Variants in NFKBIZ observed in about 807,000 individuals in gnomAD.
NFKBIZ encodes NFKB inhibitor zeta.
Under a neutral mutation model 76.8 loss-of-function variants are expected in NFKBIZ, and 19 were observed. The observed-to-expected ratio is 0.25, with a 90% confidence interval of 0.17 to 0.36. NFKBIZ has a LOEUF of 0.36. Ranked by LOEUF, NFKBIZ falls within the 10% of genes least tolerant of loss-of-function variation. The pLI, the probability that NFKBIZ is intolerant of heterozygous loss-of-function variation, is 1.00. For missense variants in NFKBIZ, 829 were observed against 910.9 expected (o/e 0.91, Z 1.16); for synonymous variants, 368 against 354.8 (o/e 1.04, Z -0.42).
chr3:101,847,204 G>A (rs1410312169), upstream of NFKBIZ, among the ~76,000 whole-genome samples: 1 of 152,140 alleles, frequency 6.6e-6, no homozygotes, highest in African/African-American at 2.4e-5. Context: ...CAGCTGCCTG[G>A]GCATGCCTTA....
At chr3:101,854,726 TGGTG>T in intron 6 of NFKBIZ, 43 bp downstream of exon 6, 1 of 1,359,980 alleles carries the variant, frequency 7.4e-7, no homozygotes, top group Non-Finnish European at 1.1e-6. Flanking sequence ...GAGGGGGTCA[TGGTG>T]AAGTGAATGA....
At chr3:101,834,877 C>T (rs1270244493) in intron 2 of NFKBIZ, among the ~76,000 whole-genome samples, 1 of 152,208 alleles carries the variant, frequency 6.6e-6, no homozygotes, top group Non-Finnish European at 1.5e-5. Context: ...GGCTCCCCAT[C>T]ACATCTGCTG....
At chr3:101,857,678 A>G (rs1485338820) in intron 11 of NFKBIZ, 1 of 985,366 alleles carries the variant, frequency 1.0e-6, no homozygotes, top group African/African-American at 1.7e-5. Context: ...CAAAATGGTT[A>G]GAGGTCAGGT....
chr3:101,846,484 C>T (rs1942854210), upstream of NFKBIZ, among the ~76,000 whole-genome samples: 1 of 152,194 alleles, frequency 6.6e-6, no homozygotes, highest in Non-Finnish European at 1.5e-5. Flanking sequence ...TTTGGCATTG[C>T]ACAGAAAACT....
intron 9 of NFKBIZ, 28 bp downstream of exon 9, chr3:101,855,930 G>C: frequency 6.4e-7 from 1 of 1,569,434 alleles, no homozygotes; most frequent in Non-Finnish European, 8.6e-7. Flanking sequence ...GTTTAAGATG[G>C]GGTAGGGGAG....
chr3:101,858,737 A>G (rs527552527), intron 11 of NFKBIZ, among the ~76,000 whole-genome samples: 1 of 152,338 alleles, frequency 6.6e-6, no homozygotes, highest in African/African-American at 2.4e-5. Context: ...TGAGAGATAG[A>G]AAATAAAATT....
intron 2 of NFKBIZ, among the ~76,000 whole-genome samples, chr3:101,830,319 T>G (rs1942631243): frequency 6.6e-6 from 1 of 152,184 alleles, no homozygotes. Flanking sequence ...TTTATTTTAT[T>G]TATTTATTTT....
At chr3:101,854,326 A>G (rs559674178) in intron 5 of NFKBIZ, among the ~76,000 whole-genome samples, 8 of 152,304 alleles carry the variant, frequency 5.3e-5, no homozygotes, top group Admixed American at 4.6e-4. Flanking sequence ...AGTATTAAAA[A>G]TAATAGATTT....
chr3:101,855,268 T>C (rs751698388), intron 7 of NFKBIZ, 60 bp downstream of exon 7: 15 of 1,599,342 alleles, frequency 9.4e-6, no homozygotes, highest in Non-Finnish European at 1.2e-5. Context: ...AGTTGGATAT[T>C]AGAAGTCGGA....
At chr3:101,856,090 G>A (rs1019552240) in intron 9 of NFKBIZ, 188 bp downstream of exon 9, 15 of 411,278 alleles carry the variant, frequency 3.6e-5, no homozygotes, top group African/African-American at 8.4e-5. Context: ...TCACTGTGTC[G>A]CCCAGGCTGG....
chr3:101,850,575 T>C (rs1358181126), intron 1 of NFKBIZ: 2 of 152,222 alleles, frequency 1.3e-5, no homozygotes, highest in African/African-American at 4.8e-5. Flanking sequence ...CGTAATGTTA[T>C]CTTTCATGGG....
chr3:101,848,573 T>C (rs1460430021), upstream of NFKBIZ, among the ~76,000 whole-genome samples: 2 of 152,270 alleles, frequency 1.3e-5, no homozygotes, highest in East Asian at 3.8e-4. Context: ...CTTAACCTTA[T>C]CATTCCCGCA....
At position 101,855,835 on chromosome 3, in the gene NFKBIZ, T is replaced by C. The variant is rs1560089341; in HGVS notation, c.1757T>C (p.Leu586Pro). ...PHSPEVQELL[L>P]KNKSLVDTIK... ...TCACCTGAAGTTCAGGAGCTTTTAC[T>C]GAAGAATAAGAGTCTGGTTGATACC... Residue 586 changes from leucine to proline, a missense_variant, in exon 9 of 12, where the codon CTG becomes CCG. By Grantham distance (98) the Leu-to-Pro change is moderately conservative. Around this residue, in one of 4 missense-constraint regions of NFKBIZ, gnomAD observed 272 missense variants for 384.2 expected, o/e 0.71. Transcript: ENST00000326172. 6.2e-7 allele frequency: 1 copy of C among 1,614,100 alleles called. No homozygotes were observed. Among genetic ancestry groups the C allele is most frequent in the Admixed American group, 1.7e-5 (1 of 59,998 alleles).
chr3:101,853,512 G>C lies in NFKBIZ; in HGVS notation c.986G>C (p.Gly329Ala). Reference sequence around the variant, plus strand: ...GCTTATGAACCAAACCTCTTTGATGGTCCAGAATCACAGTTTTGCCCAAAC... The same window carrying C: ...GCTTATGAACCAAACCTCTTTGATGCTCCAGAATCACAGTTTTGCCCAAAC... Reference protein sequence around the residue: ...SPAYEPNLFDGPESQFCPNQS... With the variant: ...SPAYEPNLFDAPESQFCPNQS... The change falls in exon 5 of 12, where the codon GGT becomes GCT. Residue 329 changes from glycine to alanine, a missense_variant. Transcript: ENST00000326172. 1 of 1,614,130 alleles carries C rather than the reference G, an allele frequency of 6.2e-7. No homozygotes were observed. The highest frequency in any genetic ancestry group is 8.5e-7 in the Non-Finnish European group (1 of 1,180,022).
intron 2 of NFKBIZ, among the ~76,000 whole-genome samples, chr3:101,840,776 G>T (rs1255036666): frequency 6.6e-6 from 1 of 152,182 alleles, no homozygotes. Context: ...TGCCCATCAG[G>T]GGACAGACCT....
At position 101,853,863 on chromosome 3, in the gene NFKBIZ, C is replaced by T. The variant is rs759341204; in HGVS notation, c.1337C>T (p.Thr446Met). Residue 446 changes from threonine (T) to methionine (M), a missense_variant and splice_region_variant, in exon 5 of 12, where the codon ACG becomes ATG. Transcript: ENST00000326172. ...CTTTCAAAGGATGCAGATGGTGACACGTGAGTATTCTTTTATCTCATGTTC... is the reference window on the plus strand; with the variant it reads ...CTTTCAAAGGATGCAGATGGTGACATGTGAGTATTCTTTTATCTCATGTTC... ...QFLSKDADGD[T>M]FLHIAVAQGR... 5 of 1,610,342 alleles carry T rather than the reference C, an allele frequency of 3.1e-6. No homozygotes were observed. Among genetic ancestry groups the T allele is most frequent in the African/African-American group, 1.3e-5 (1 of 74,850 alleles).
intron 2 of NFKBIZ, among the ~76,000 whole-genome samples, chr3:101,831,734 G>A (rs604521): frequency 0.21 from 31,919 of 151,740 alleles, 3,875 homozygotes; most frequent in East Asian, 0.48. Flanking sequence ...TCCGCCTTCC[G>A]AGTTTAAGTG....
chr3:101,848,095 T>C (rs1942880564), upstream of NFKBIZ, among the ~76,000 whole-genome samples: 1 of 152,212 alleles, frequency 6.6e-6, no homozygotes, highest in Non-Finnish European at 1.5e-5. Context: ...TGCCCAGTCA[T>C]TTCTCTCCTG....
chr3:101,829,907 G>T (rs1248002542), intron 2 of NFKBIZ, among the ~76,000 whole-genome samples: 2 of 151,502 alleles, frequency 1.3e-5, no homozygotes, highest in Non-Finnish European at 2.9e-5. Flanking sequence ...GTGTGGTTTA[G>T]TAGTATTTTT....
Sources: allele counts gnomAD v4.1 joint callset (sites outside exome capture counted in the v4.1 genomes callset), GRCh38; gene constraint gnomAD v4.1.1; regional missense constraint gnomAD v4.1.1; transcripts MANE v1.5; gene names NCBI Gene and HGNC (gene_info 2026-07-23, HGNC 2026-07-21).